The following CDK6 variants were observed in gnomAD, a reference collection of about 807,000 sequenced individuals.
The protein encoded by CDK6 is cyclin dependent kinase 6, also known as cyclin-dependent kinase 6.
CDK6 carries 6 observed loss-of-function variants against 37.1 expected under a neutral mutation model. The observed-to-expected ratio is 0.16, with a 90% CI of 0.09 to 0.32. CDK6 has a LOEUF of 0.32. Among genes scored for constraint, CDK6 ranks in the 10% least tolerant of loss-of-function variants. The pLI is 1.00. For missense variants in CDK6, 224 were observed against 418.9 expected, an observed-to-expected ratio of 0.53 and a Z score of 4.06; for synonymous variants, 160 against 161.3, an observed-to-expected ratio of 0.99 and a Z score of 0.06.
chr7:92,761,776 C>CA (rs1799462261), intron 3 of CDK6, among the ~76,000 whole-genome samples: 1 of 152,038 alleles, frequency 6.6e-6, no homozygotes, highest in South Asian at 2.1e-4. Context: ...GGAGTTGAAA[C>CA]AAAAAAGAAG....
At chr7:92,790,715 T>G (rs1800260220) in intron 2 of CDK6, among the ~76,000 whole-genome samples, 1 of 152,176 alleles carries the variant, frequency 6.6e-6, no homozygotes, top group Non-Finnish European at 1.5e-5. Flanking sequence ...TACATCTTTC[T>G]GTCTCTTATG....
At chr7:92,790,236 C>T (rs987559783) in intron 2 of CDK6, among the ~76,000 whole-genome samples, 11 of 152,144 alleles carry the variant, frequency 7.2e-5, no homozygotes, top group South Asian at 6.2e-4. Flanking sequence ...TTCAAATAAT[C>T]GTAGATTGTT....
chr7:92,779,907 C>T (rs1799944932), intron 2 of CDK6, among the ~76,000 whole-genome samples: 1 of 152,092 alleles, frequency 6.6e-6, no homozygotes, highest in Admixed American at 6.5e-5. Context: ...ACAATGACTC[C>T]CTCTGGAATT....
chr7:92,695,684 A>G (rs1797701132), intron 4 of CDK6, among the ~76,000 whole-genome samples: 1 of 152,238 alleles, frequency 6.6e-6, no homozygotes, highest in African/African-American at 2.4e-5. Context: ...GCATAAATGT[A>G]TATGCTGAAA....
At chr7:92,688,599 A>T (rs1169788583) in intron 4 of CDK6, among the ~76,000 whole-genome samples, 2 of 150,506 alleles carry the variant, frequency 1.3e-5, no homozygotes, top group African/African-American at 2.4e-5. Flanking sequence ...ACACACACAC[A>T]CACACACACA....
chr7:92,789,198 A>G (rs1204028292), intron 2 of CDK6, among the ~76,000 whole-genome samples: 1 of 152,216 alleles, frequency 6.6e-6, no homozygotes, highest in Non-Finnish European at 1.5e-5. Flanking sequence ...TGGCAGAACC[A>G]TCCTTCAAAG....
At chr7:92,783,041 A>T (rs925666030) in intron 2 of CDK6, among the ~76,000 whole-genome samples, 2 of 152,110 alleles carry the variant, frequency 1.3e-5, no homozygotes, top group Non-Finnish European at 2.9e-5. Flanking sequence ...GACAGCAGAG[A>T]ACCAGATCAA....
intron 4 of CDK6, among the ~76,000 whole-genome samples, chr7:92,689,782 C>T (rs1241470999): frequency 6.6e-6 from 1 of 152,184 alleles, no homozygotes; most frequent in Non-Finnish European, 1.5e-5. Context: ...TTCTCCACAA[C>T]CTCACCAGCA....
intron 4 of CDK6, among the ~76,000 whole-genome samples, chr7:92,709,055 G>GCA (rs1349548060): frequency 4.6e-5 from 7 of 152,004 alleles, no homozygotes; most frequent in African/African-American, 1.2e-4. Flanking sequence ...ACATGAACAT[G>GCA]TTTTCCCCGG....
intron 4 of CDK6, among the ~76,000 whole-genome samples, chr7:92,711,142 T>C (rs1033719025): frequency 4.6e-5 from 7 of 152,174 alleles, no homozygotes; most frequent in Non-Finnish European, 7.3e-5. Flanking sequence ...TAAAAGAAAT[T>C]AGTATTTCAG....
At chr7:92,820,425 C>T (rs1048865038) in intron 2 of CDK6, among the ~76,000 whole-genome samples, 2 of 152,050 alleles carry the variant, frequency 1.3e-5, no homozygotes, top group Non-Finnish European at 2.9e-5. Context: ...TTGCAAGGGT[C>T]AACCTTTAGA....
rs1403539225 is a variant in CDK6 at position 92,615,128 on chromosome 7, G to A, written c.*12C>T. 1 of 1,612,934 alleles carries A rather than the reference G, an allele frequency of 6.2e-7. No individual in the cohort carries two copies. Among genetic ancestry groups the A allele is most frequent in the African/African-American group, 1.3e-5 (1 of 74,878 alleles). Reference sequence around the variant, plus strand: ...TTCTCCGCAGGATCAGCTTAAGGCGGCTGCTGAGGCCTCAGGCTGTATTCA... The same window carrying A: ...TTCTCCGCAGGATCAGCTTAAGGCGACTGCTGAGGCCTCAGGCTGTATTCA... On this transcript the variant is annotated 3_prime_UTR_variant, in exon 8 of 8. Coordinates refer to ENST00000424848, the MANE Select transcript of CDK6 (RefSeq NM_001145306.2).
At chr7:92,728,422 A>G (rs1452314092) in intron 3 of CDK6, among the ~76,000 whole-genome samples, 4 of 152,168 alleles carry the variant, frequency 2.6e-5, no homozygotes, top group African/African-American at 9.7e-5. Context: ...ACATGTAACA[A>G]TTCATTATCA....
chr7:92,697,129 G>A (rs1426195425), intron 4 of CDK6, among the ~76,000 whole-genome samples: 1 of 152,204 alleles, frequency 6.6e-6, no homozygotes, highest in Admixed American at 6.5e-5. Flanking sequence ...TGCTTCGGAA[G>A]ACAGTTAATA....
Position 92,777,379 on chromosome 7 carries a change from T to C in CDK6, c.234-2548A>G, listed in dbSNP as rs1799877899. Among the ~76,000 whole-genome samples, 2 of 152,218 alleles carry C rather than the reference T, an allele frequency of 1.3e-5. 1 individual carries two copies. The highest frequency in any genetic ancestry group is 4.1e-4 in the South Asian group (2 of 4,832). ...AAGTACTACTCCCAACCCGAGTGGC[T>C]GGGATTACAGGCATGGGCCACCACG... On this transcript the variant is annotated intron_variant, in intron 2 of 7. Transcript: ENST00000424848.
chr7:92,750,231 C>T (rs1299209543), intron 3 of CDK6, among the ~76,000 whole-genome samples: 1 of 152,152 alleles, frequency 6.6e-6, no homozygotes, highest in Non-Finnish European at 1.5e-5. Context: ...AGTCCTAGCA[C>T]AGTACTAACT....
At chr7:92,765,954 G>A (rs1198688032) in intron 3 of CDK6, among the ~76,000 whole-genome samples, 1 of 152,042 alleles carries the variant, frequency 6.6e-6, no homozygotes, top group South Asian at 2.1e-4. Context: ...AAATCAGCAC[G>A]GACAAATGCC....
At chr7:92,804,869 G>A (rs1464307946) in intron 2 of CDK6, among the ~76,000 whole-genome samples, 2 of 152,084 alleles carry the variant, frequency 1.3e-5, no homozygotes, top group African/African-American at 2.4e-5. Flanking sequence ...TAAACAAAAT[G>A]TGTTCAAAGA....
In CDK6 at chr7:92,608,447, AAAC is replaced by A. The variant is rs1304175099; in HGVS notation, c.*6690_*6692del. 8.7e-6 allele frequency: 2 copies of A among 231,012 alleles called. No individual in the cohort carries two copies. The highest frequency in any genetic ancestry group is 1.7e-5 in the Non-Finnish European group (2 of 116,730). The allele number at this position is 231,012 out of a possible 1,614,324, so 14.3% of individuals were successfully genotyped here. A position where few individuals can be genotyped will look rare whatever the true frequency, so the allele number is the denominator to read the frequency against. ...GACGAAGCAGAAAATAAACTTTTCA[AAAC>A]AAAACTTTTCCAGGCATATCTTTCA... On this transcript the variant is annotated 3_prime_UTR_variant, in exon 8 of 8. Coordinates refer to ENST00000424848, the MANE Select transcript of CDK6 (RefSeq NM_001145306.2).
Sources: gnomAD v4.1 joint callset for allele counts (sites outside exome capture counted in the v4.1 genomes callset) on GRCh38, gnomAD v4.1.1 for gene constraint, MANE v1.5 for transcripts, NCBI Gene and HGNC (gene_info 2026-07-23, HGNC 2026-07-21) for gene names.